The following DISP1 variants were observed in gnomAD, a reference collection of about 807,000 sequenced individuals.
DISP1 encodes the protein protein dispatched homolog 1.
Under a neutral mutation model 37.3 loss-of-function variants are expected in DISP1, and 30 were observed. That is an observed-to-expected ratio of 0.80 (90% CI 0.60 to 1.09). The LOEUF (loss-of-function observed/expected upper bound fraction) is 1.09, where lower values mean the gene tolerates loss of function less well. Ranked by LOEUF, DISP1 falls within the 50% of genes least tolerant of loss-of-function variation. DISP1 has a pLI of 0.00. For missense variants in DISP1, 1,598 were observed against 1,879.5 expected, an observed-to-expected ratio of 0.85 and a Z score of 2.77; for synonymous variants, 634 against 690.2, an observed-to-expected ratio of 0.92 and a Z score of 1.28.
At chr1:222,984,421 A>AAAATAT (rs1553254646) in intron 4 of DISP1, among the ~76,000 whole-genome samples, 8 of 105,796 alleles carry the variant, frequency 7.6e-5, no homozygotes, top group African/African-American at 2.7e-4. Flanking sequence ...AAAAAAAAAA[A>AAAATAT]ATATATATAT....
chr1:222,845,121 G>A lies in DISP1; in HGVS notation c.-159+30043G>A, dbSNP rs544097789. Among the ~76,000 whole-genome samples the A allele has an allele frequency of 3.3e-5, 5 of 152,262 alleles. No homozygotes were observed. In the South Asian group the frequency reaches 1.0e-3, roughly 32 times the overall value. ...TCTCCACTTAAAATATTAGGTTGGT[G>A]CAAACGCAGTTGCAGTTTTTGCCAT... On this transcript the variant is annotated intron_variant, in intron 1 of 8. Coordinates refer to ENST00000675850, the MANE Select transcript of DISP1 (RefSeq NM_001377229.1).
In DISP1 at chr1:222,860,748, G is replaced by A. The variant is rs531672239; in HGVS notation, c.-159+45670G>A. ...AAAAATACAAAAATTAGCTGGGCGG[G>A]GTAGCGTGTGCCTGTAGTCCCAGCT... On this transcript the variant is annotated intron_variant, in intron 1 of 8. Coordinates refer to ENST00000675850, the MANE Select transcript of DISP1 (RefSeq NM_001377229.1). 3.3e-5 allele frequency among the ~76,000 whole-genome samples: 5 copies of A among 152,118 alleles called. No homozygotes were observed. In the South Asian group the frequency reaches 8.3e-4, roughly 25 times the overall value.
At chr1:222,939,897 G>A (rs1399127305) in intron 2 of DISP1, among the ~76,000 whole-genome samples, 5 of 151,780 alleles carry the variant, frequency 3.3e-5, no homozygotes, top group African/African-American at 7.3e-5. Flanking sequence ...AGGCTGAGGC[G>A]GGCGGATCAC....
chr1:222,924,079 G>A (rs1196725998), intron 1 of DISP1, among the ~76,000 whole-genome samples: 3 of 152,160 alleles, frequency 2.0e-5, no homozygotes, highest in African/African-American at 7.2e-5. Flanking sequence ...CAGGAAATGA[G>A]ATAAGAAAGA....
At chr1:222,917,619 G>A (rs1206625215) in intron 1 of DISP1, among the ~76,000 whole-genome samples, 1 of 152,184 alleles carries the variant, frequency 6.6e-6, no homozygotes, top group Non-Finnish European at 1.5e-5. Context: ...CAAAATTCGA[G>A]AGAATTTTTT....
intron 1 of DISP1, among the ~76,000 whole-genome samples, chr1:222,911,290 G>C (rs1008604030): frequency 6.6e-6 from 1 of 152,172 alleles, no homozygotes; most frequent in Non-Finnish European, 1.5e-5. Context: ...CATAGCATCA[G>C]AGAGAATCTT....
At chr1:222,979,802 T>C (rs534396337) in intron 3 of DISP1, 1 of 341,174 alleles carries the variant, frequency 2.9e-6, no homozygotes, top group Admixed American at 3.3e-5. Flanking sequence ...AGGAGGCTGC[T>C]GTCTCCTACA....
chr1:222,968,636 C>G (rs1053251087), intron 3 of DISP1, among the ~76,000 whole-genome samples: 3 of 152,104 alleles, frequency 2.0e-5, no homozygotes, highest in African/African-American at 7.2e-5. Flanking sequence ...TTTTTTCCCC[C>G]TTAAAACAGA....
chr1:222,986,238 A>G (rs993203808), intron 4 of DISP1, among the ~76,000 whole-genome samples: 1 of 152,136 alleles, frequency 6.6e-6, no homozygotes, highest in Non-Finnish European at 1.5e-5. Context: ...ACCATCTGAA[A>G]CACGGCTTTC....
At chr1:222,966,650 C>T (rs1676514440) in intron 3 of DISP1, among the ~76,000 whole-genome samples, 1 of 152,128 alleles carries the variant, frequency 6.6e-6, no homozygotes, top group South Asian at 2.1e-4. Context: ...TTGATTGCCT[C>T]TGGGGACAGG....
chr1:222,917,790 C>T (rs1407142579), intron 1 of DISP1, among the ~76,000 whole-genome samples: 3 of 152,086 alleles, frequency 2.0e-5, no homozygotes, highest in African/African-American at 7.2e-5. Flanking sequence ...GTGAGATGTA[C>T]AAAAAACTTG....
At chr1:222,897,653 CATT>C (rs1443966662) in intron 1 of DISP1, among the ~76,000 whole-genome samples, 4 of 152,046 alleles carry the variant, frequency 2.6e-5, no homozygotes, top group Admixed American at 2.6e-4. Flanking sequence ...ATGAACCTGT[CATT>C]AATCATTTTA....
chr1:222,886,639 A>T (rs2125377548), intron 1 of DISP1, among the ~76,000 whole-genome samples: 1 of 152,344 alleles, frequency 6.6e-6, no homozygotes, highest in African/African-American at 2.4e-5. Context: ...TTCTGAAGGT[A>T]TAGGAAGCCA....
Position 222,943,002 on chromosome 1 carries a change from G to T in DISP1, c.179G>T (p.Gly60Val), listed in dbSNP as rs201903516. 1.1e-5 allele frequency: 18 copies of T among 1,614,146 alleles called. No homozygotes were observed. The African/African-American group carries it at 1.7e-4, about 16-fold the overall frequency. ...VSPNGCLQLN[G>V]TVKSSFLPLD... ...CCAAATGGATGCCTGCAACTTAATG[G>T]CACGGTCAAATCATCCTTTCTGCCT... The change falls in exon 3 of 9, where the codon GGC becomes GTC. Residue 60 changes from glycine to valine, a missense_variant. Transcript: ENST00000675850.
At chr1:222,937,032 T>TA (rs1673971009) in intron 2 of DISP1, among the ~76,000 whole-genome samples, 1 of 112,842 alleles carries the variant, frequency 8.9e-6, no homozygotes, top group Non-Finnish European at 1.7e-5. Context: ...ATATTACATA[T>TA]TATATAATAT....
At chr1:222,917,827 T>G (rs1672579602) in intron 1 of DISP1, among the ~76,000 whole-genome samples, 1 of 151,884 alleles carries the variant, frequency 6.6e-6, no homozygotes, top group Non-Finnish European at 1.5e-5. Context: ...CTTGTCAAGA[T>G]ATGGGAACTG....
intron 1 of DISP1, among the ~76,000 whole-genome samples, chr1:222,895,931 T>C (rs1671227115): frequency 6.6e-6 from 1 of 152,172 alleles, no homozygotes; most frequent in African/African-American, 2.4e-5. Flanking sequence ...AAAAGCCTAT[T>C]CATAAGATTT....
chr1:222,975,622 G>A (rs1023333752), intron 3 of DISP1, among the ~76,000 whole-genome samples: 3 of 151,250 alleles, frequency 2.0e-5, no homozygotes, highest in Non-Finnish European at 4.4e-5. Context: ...TGATTACTCC[G>A]CTTGGTACCT....
chr1:222,872,240 A>T (rs1669633572), intron 1 of DISP1: 1 of 152,174 alleles, frequency 6.6e-6, no homozygotes, highest in South Asian at 2.1e-4. Context: ...TATCGGTCTA[A>T]AATTCTCTTT....
Sources: allele counts gnomAD v4.1 joint callset (sites outside exome capture counted in the v4.1 genomes callset), GRCh38; gene constraint gnomAD v4.1.1; transcripts MANE v1.5; gene names NCBI Gene and HGNC (gene_info 2026-07-23, HGNC 2026-07-21).